The following PHLPP1 variants were observed in gnomAD, a reference collection of about 807,000 sequenced individuals.
PHLPP1 encodes the protein PH domain leucine-rich repeat-containing protein phosphatase 1.
PHLPP1 carries 42 observed loss-of-function variants against 117.2 expected under a neutral mutation model. The observed-to-expected ratio is 0.36, with a 90% confidence interval of 0.28 to 0.46. The LOEUF (loss-of-function observed/expected upper bound fraction) is 0.46, where lower values mean the gene tolerates loss of function less well. Ranked by LOEUF, PHLPP1 falls within the 20% of genes least tolerant of loss-of-function variation. The pLI is 1.00. For synonymous variants in PHLPP1, 1,042 were observed against 970.7 expected (o/e 1.07, Z -1.37); for missense variants, 2,084 against 2,241.9 (o/e 0.93, Z 1.42).
chr18:62,974,386 A>G (rs956182170), intron 15 of PHLPP1, among the ~76,000 whole-genome samples: 3 of 152,282 alleles, frequency 2.0e-5, no homozygotes, highest in East Asian at 1.9e-4. Flanking sequence ...AATGCATGCA[A>G]GTAGGCAGCC....
At chr18:62,777,345 A>T (rs1380804065) in intron 1 of PHLPP1, among the ~76,000 whole-genome samples, 1 of 152,008 alleles carries the variant, frequency 6.6e-6, no homozygotes, top group Non-Finnish European at 1.5e-5. Flanking sequence ...TTCATTTATG[A>T]GATGTGAGTT....
intron 1 of PHLPP1, among the ~76,000 whole-genome samples, chr18:62,723,310 G>A (rs917790712): frequency 2.0e-5 from 3 of 152,152 alleles, no homozygotes; most frequent in African/African-American, 7.2e-5. Flanking sequence ...ACTGGAGCTT[G>A]GCTAAAAGTA....
chr18:62,872,986 C>CAAAAAAAAAAAAAAAAAAAAAAAAAAAA (rs60920082), intron 4 of PHLPP1, among the ~76,000 whole-genome samples: 1 of 54,816 alleles, frequency 1.8e-5, no homozygotes. Context: ...AACTCTGCCT[C>CAAAAAAAAAAAAAAAAAAAAAAAAAAAA]AAAAAAAAAA....
At chr18:62,782,942 AT>A (rs1913159851) in intron 1 of PHLPP1, among the ~76,000 whole-genome samples, 1 of 151,258 alleles carries the variant, frequency 6.6e-6, no homozygotes. Flanking sequence ...AAATTAATTT[AT>A]TTACTTTTAT....
rs1916359710 is a variant in PHLPP1, at chr18:62,889,552, C to T, written c.2067-5459C>T. ...AGCTGGGCCAGGGACCCCACCTCTT[C>T]TCTTCCTTCCTCCAGCTCCATTCCT... On this transcript the variant is annotated intron_variant, in intron 4 of 16. Coordinates refer to ENST00000262719, the MANE Select transcript of PHLPP1 (RefSeq NM_194449.4). 3 of 152,362 alleles carry T rather than the reference C, an allele frequency of 2.0e-5. No individual in the cohort carries two copies. In the South Asian group the frequency reaches 6.2e-4, roughly 32 times the overall value. The allele number at this position is 152,362 out of a possible 1,614,324, so 9.4% of individuals were successfully genotyped here.
At position 62,912,978 on chromosome 18, in the gene PHLPP1, T is replaced by C. The variant is rs543195749; in HGVS notation, c.2709-1935T>C. Among the ~76,000 whole-genome samples, 269 of 152,336 alleles carry C rather than the reference T, an allele frequency of 1.8e-3. 2 individuals carry two copies. The highest frequency in any genetic ancestry group is 2.1e-3 in the Non-Finnish European group (142 of 68,040). Reference sequence around the variant, plus strand: ...AAACTACTTTTTAAAAACAGTGTAATCAGCAAATGGTAGCCATTGAAACCC... The same window carrying C: ...AAACTACTTTTTAAAAACAGTGTAACCAGCAAATGGTAGCCATTGAAACCC... On this transcript the variant is annotated intron_variant, in intron 8 of 16. Coordinates refer to ENST00000262719, the MANE Select transcript of PHLPP1 (RefSeq NM_194449.4).
intron 12 of PHLPP1, among the ~76,000 whole-genome samples, chr18:62,948,000 G>A (rs774657749): frequency 1.1e-4 from 17 of 151,808 alleles, no homozygotes; most frequent in Non-Finnish European, 2.4e-4. Flanking sequence ...ACTCCAGCCT[G>A]GGCAACAAGA....
intron 4 of PHLPP1, among the ~76,000 whole-genome samples, chr18:62,890,611 G>A (rs966871906): frequency 4.6e-5 from 7 of 152,090 alleles, no homozygotes; most frequent in Non-Finnish European, 8.8e-5. Context: ...CTCATTCAGC[G>A]TATTGCTGCT....
chr18:62,936,407 CA>C (rs777323515), intron 10 of PHLPP1, among the ~76,000 whole-genome samples: 3 of 152,100 alleles, frequency 2.0e-5, no homozygotes, highest in East Asian at 3.9e-4. Flanking sequence ...ACTTGGCAAA[CA>C]ACACAGAAAT....
At chr18:62,737,123 A>G (rs1399494914) in intron 1 of PHLPP1, among the ~76,000 whole-genome samples, 1 of 152,198 alleles carries the variant, frequency 6.6e-6, no homozygotes, top group Non-Finnish European at 1.5e-5. Context: ...AGGCTGACAT[A>G]CCAGCTCCCT....
At chr18:62,946,237 A>G (rs1358788937) in intron 12 of PHLPP1, among the ~76,000 whole-genome samples, 1 of 152,168 alleles carries the variant, frequency 6.6e-6, no homozygotes, top group South Asian at 2.1e-4. Context: ...ACATTTGAAG[A>G]CATTTTAAAT....
intron 3 of PHLPP1, among the ~76,000 whole-genome samples, chr18:62,851,262 T>C (rs1915343295): frequency 6.6e-6 from 1 of 152,154 alleles, no homozygotes; most frequent in African/African-American, 2.4e-5. Context: ...TTTTAAATAT[T>C]GTTATAGCTT....
chr18:62,717,704 G>T (rs1440012465), intron 1 of PHLPP1, among the ~76,000 whole-genome samples: 1 of 152,112 alleles, frequency 6.6e-6, no homozygotes, highest in African/African-American at 2.4e-5. Context: ...CCAGTTGAGC[G>T]TTCTAGCTGT....
intron 4 of PHLPP1, among the ~76,000 whole-genome samples, chr18:62,873,613 C>T (rs569662797): frequency 2.0e-5 from 3 of 152,082 alleles, no homozygotes; most frequent in Non-Finnish European, 4.4e-5. Flanking sequence ...GCTAGAAGGT[C>T]CTAGCTGGTT....
intron 14 of PHLPP1, among the ~76,000 whole-genome samples, chr18:62,966,975 A>G (rs1036352670): frequency 3.1e-4 from 47 of 152,172 alleles, no homozygotes; most frequent in African/African-American, 9.9e-4. Context: ...TATATAGTAT[A>G]TGGCCTTCTC....
chr18:62,965,452 CT>C (rs34187461), intron 14 of PHLPP1, among the ~76,000 whole-genome samples: 132 of 76,140 alleles, frequency 1.7e-3, no homozygotes, highest in African/African-American at 5.0e-3. Context: ...TAATCAGCCT[CT>C]TTTTTTTTTT....
Position 62,903,162 on chromosome 18 carries a change from T to G in PHLPP1, c.2643T>G (p.Ser881=), listed in dbSNP as rs1378069703. ...GYFLKALYAS[S]NELVQLDVYP... is the part of the protein sequence containing the mutation. ...TCCTAAAAGCGCTCTATGCCTCTTC[T>G]AATGGTATGTATCATAGGCTACATC... Residue 881 remains serine (S), a synonymous_variant, in exon 7 of 17, where the codon TCT becomes TCG. Transcript: ENST00000262719. The G allele has an allele frequency of 3.7e-6, 6 of 1,602,456 alleles. No homozygotes were observed. Among genetic ancestry groups the G allele is most frequent in the Non-Finnish European group, 5.1e-6 (6 of 1,170,756 alleles).
At chr18:62,766,799 G>C (rs554098020) in intron 1 of PHLPP1, among the ~76,000 whole-genome samples, 2 of 152,218 alleles carry the variant, frequency 1.3e-5, no homozygotes, top group African/African-American at 4.8e-5. Context: ...GTTAAATATT[G>C]AATCTCTTTT....
chr18:62,917,570 C>T (rs995917176), intron 9 of PHLPP1, among the ~76,000 whole-genome samples: 4 of 151,996 alleles, frequency 2.6e-5, no homozygotes, highest in South Asian at 2.1e-4. Context: ...AGTCTCAGCA[C>T]GCTGGGAGGC....
Sources: gnomAD v4.1 joint callset for allele counts (sites outside exome capture counted in the v4.1 genomes callset) on GRCh38, gnomAD v4.1.1 for gene constraint, MANE v1.5 for transcripts, NCBI Gene and HGNC (gene_info 2026-07-23, HGNC 2026-07-21) for gene names.